The following CDK6 variants were observed in gnomAD, a reference collection of about 807,000 sequenced individuals.
CDK6 encodes the protein cyclin dependent kinase 6.
In CDK6, 6 loss-of-function variants were observed where a neutral mutation model predicts 37.1. That is an observed-to-expected ratio of 0.16 (90% CI 0.09 to 0.32). The LOEUF (loss-of-function observed/expected upper bound fraction) is 0.32. Among genes scored for constraint, CDK6 ranks in the 10% least tolerant of loss-of-function variants. CDK6 has a pLI of 1.00. For synonymous variants in CDK6, 160 were observed against 161.3 expected (o/e 0.99, Z 0.06); for missense variants, 224 against 418.9 (o/e 0.53, Z 4.06).
intron 5 of CDK6, among the ~76,000 whole-genome samples, chr7:92,660,793 C>G (rs530521078): frequency 1.3e-5 from 2 of 151,752 alleles, no homozygotes; most frequent in South Asian, 4.2e-4. Flanking sequence ...TGGGGGGCTG[C>G]GGGATGAGGG....
At chr7:92,628,146 G>T (rs1795971096) in intron 5 of CDK6, among the ~76,000 whole-genome samples, 1 of 152,014 alleles carries the variant, frequency 6.6e-6, no homozygotes, top group South Asian at 2.1e-4. Flanking sequence ...AACCAAAAAT[G>T]TCTATGCATG....
chr7:92,802,548 G>C (rs1162384247), intron 2 of CDK6, among the ~76,000 whole-genome samples: 2 of 152,148 alleles, frequency 1.3e-5, no homozygotes, highest in African/African-American at 4.8e-5. Flanking sequence ...CCAGGCCAAA[G>C]ACATAAAGTG....
At chr7:92,648,812 G>A (rs956581650) in intron 5 of CDK6, among the ~76,000 whole-genome samples, 15 of 152,132 alleles carry the variant, frequency 9.9e-5, no homozygotes, top group African/African-American at 3.4e-4. Flanking sequence ...GTGAGAAATA[G>A]ACTCTTCACT....
At chr7:92,773,343 A>C (rs565672670) in intron 3 of CDK6, among the ~76,000 whole-genome samples, 302 of 152,324 alleles carry the variant, frequency 2.0e-3, no homozygotes, top group Non-Finnish European at 3.5e-3. Flanking sequence ...GCCTGGTGAG[A>C]AGGAGCAAAA....
chr7:92,783,732 A>T (rs1295623801), intron 2 of CDK6, among the ~76,000 whole-genome samples: 1 of 152,204 alleles, frequency 6.6e-6, no homozygotes, highest in African/African-American at 2.4e-5. Flanking sequence ...AAATTTTGAA[A>T]ATAGAGCAAA....
chr7:92,740,423 G>A (rs1303016180), intron 3 of CDK6, among the ~76,000 whole-genome samples: 2 of 152,088 alleles, frequency 1.3e-5, no homozygotes, highest in African/African-American at 4.8e-5. Context: ...TCTCCTTACA[G>A]GCACAGGTTA....
intron 3 of CDK6, among the ~76,000 whole-genome samples, chr7:92,773,106 T>C (rs1799757799): frequency 1.3e-5 from 2 of 152,222 alleles, no homozygotes; most frequent in South Asian, 2.1e-4. Flanking sequence ...ATGTGTCTTA[T>C]TTACTTTGTA....
rs1797511592 is a variant in CDK6, at chr7:92,688,318, T to C, written c.538-16783A>G. Among the ~76,000 whole-genome samples, 3 of 152,108 alleles carry C rather than the reference T, an allele frequency of 2.0e-5. 1 individual carries two copies. Among genetic ancestry groups the C allele is most frequent in the South Asian group, 4.1e-4 (2 of 4,834 alleles). On this transcript the variant is annotated intron_variant, in intron 4 of 7. Coordinates refer to ENST00000424848, the MANE Select transcript of CDK6 (RefSeq NM_001145306.2). ...CTTTCTATACTTTTGACTGAATAAT[T>C]TGTATTCTAAAAGGATAATATAATC... is the stretch of plus-strand genomic sequence containing the variant.
chr7:92,735,147 C>T (rs1247512236), intron 3 of CDK6, among the ~76,000 whole-genome samples: 1 of 152,102 alleles, frequency 6.6e-6, no homozygotes, highest in African/African-American at 2.4e-5. Flanking sequence ...TCTCAAAGTA[C>T]AGTCTCTTAC....
intron 3 of CDK6, among the ~76,000 whole-genome samples, chr7:92,753,248 G>C (rs1799229324): frequency 6.6e-6 from 1 of 151,998 alleles, no homozygotes; most frequent in Non-Finnish European, 1.5e-5. Flanking sequence ...AGCAACAAGA[G>C]TAGATGAAAA....
At chr7:92,771,991 A>G (rs13240494) in intron 3 of CDK6, among the ~76,000 whole-genome samples, 2 of 152,216 alleles carry the variant, frequency 1.3e-5, no homozygotes, top group African/African-American at 2.4e-5. Flanking sequence ...AAACAAGTCA[A>G]TCACAGAAAC....
intron 4 of CDK6, among the ~76,000 whole-genome samples, chr7:92,713,882 C>T (rs1798159973): frequency 6.6e-6 from 1 of 152,100 alleles, no homozygotes; most frequent in Admixed American, 6.5e-5. Flanking sequence ...GATGCAGATA[C>T]AAACCACAAT....
chr7:92,644,385 G>C (rs1464352807), intron 5 of CDK6, among the ~76,000 whole-genome samples: 1 of 152,100 alleles, frequency 6.6e-6, no homozygotes, highest in South Asian at 2.1e-4. Context: ...TTCAAATCAC[G>C]ATTACTATCT....
intron 5 of CDK6, among the ~76,000 whole-genome samples, chr7:92,628,104 C>G (rs1795970274): frequency 6.6e-6 from 1 of 152,080 alleles, no homozygotes; most frequent in African/African-American, 2.4e-5. Context: ...TCTTTCCAAA[C>G]ACCTGATTTA....
Position 92,609,431 on chromosome 7 carries a change from C to CTT in CDK6, c.*5707_*5708dup. 1.5e-5 allele frequency: 3 copies of CTT among 205,980 alleles called. No homozygotes were observed. Among genetic ancestry groups the CTT allele is most frequent in the Admixed American group, 6.1e-5 (1 of 16,410 alleles). 12.8% of individuals were successfully genotyped at this position (205,980 alleles called of 1,614,324 possible). On this transcript the variant is annotated 3_prime_UTR_variant, in exon 8 of 8. Coordinates refer to ENST00000424848, the MANE Select transcript of CDK6 (RefSeq NM_001145306.2). ...AGTTGTTATGCTCATATACTTCAGA[C>CTT]TTTTTTTTTTTAATTAGAGCTTCTT... is the stretch of plus-strand genomic sequence containing the variant.
chr7:92,803,147 A>T (rs1444824211), intron 2 of CDK6, among the ~76,000 whole-genome samples: 2 of 152,238 alleles, frequency 1.3e-5, no homozygotes, highest in Admixed American at 6.5e-5. Flanking sequence ...TTTTAAAGAA[A>T]TAGGCTATCT....
intron 2 of CDK6, among the ~76,000 whole-genome samples, chr7:92,820,171 T>C (rs946594454): frequency 2.0e-5 from 3 of 151,844 alleles, no homozygotes; most frequent in African/African-American, 4.8e-5. Flanking sequence ...AAAAACAAAA[T>C]GATACAAGAA....
At chr7:92,793,256 A>G (rs1800325925) in intron 2 of CDK6, among the ~76,000 whole-genome samples, 1 of 152,100 alleles carries the variant, frequency 6.6e-6, no homozygotes, top group Admixed American at 6.6e-5. Flanking sequence ...CTGATCCTAG[A>G]CTTCATATGA....
At chr7:92,615,734 C>G (rs3731386) in intron 7 of CDK6, among the ~76,000 whole-genome samples, 8,075 of 152,190 alleles carry the variant, frequency 0.053, 751 homozygotes, top group African/African-American at 0.19. Context: ...AGATTCAGTT[C>G]GAGTCACTAA....
Sources: allele counts gnomAD v4.1 joint callset (sites outside exome capture counted in the v4.1 genomes callset), GRCh38; gene constraint gnomAD v4.1.1; transcripts MANE v1.5; gene names NCBI Gene and HGNC (gene_info 2026-07-23, HGNC 2026-07-21).